The following AGBL4 variants were observed in gnomAD, a reference collection of about 807,000 sequenced individuals.
AGBL4 encodes the protein AGBL carboxypeptidase 4.
Under a neutral mutation model 66.4 loss-of-function variants are expected in AGBL4, and 58 were observed. The observed-to-expected ratio is 0.87, with a 90% CI of 0.71 to 1.09. The LOEUF (loss-of-function observed/expected upper bound fraction) is 1.09, where lower values mean the gene tolerates loss of function less well. Ranked by LOEUF, AGBL4 falls within the 50% of genes least tolerant of loss-of-function variation. The pLI, the probability that AGBL4 is intolerant of heterozygous loss-of-function variation, is 0.00. For missense variants in AGBL4, 579 were observed against 631.0 expected (o/e 0.92, Z 0.88); for synonymous variants, 234 against 222.9 (o/e 1.05, Z -0.44).
chr1:49,106,900 T>C (rs910602203), intron 4 of AGBL4, among the ~76,000 whole-genome samples: 1 of 152,200 alleles, frequency 6.6e-6, no homozygotes, highest in African/African-American at 2.4e-5. Context: ...TATCTTGTAA[T>C]GGTTAACACT....
chr1:48,734,658 T>C (rs1648730805), intron 6 of AGBL4, among the ~76,000 whole-genome samples: 1 of 152,160 alleles, frequency 6.6e-6, no homozygotes, highest in African/African-American at 2.4e-5. Context: ...TCTGCCTGAT[T>C]TGCCACCCCT....
chr1:49,536,633 A>G (rs1204504346), intron 3 of AGBL4, among the ~76,000 whole-genome samples: 1 of 152,222 alleles, frequency 6.6e-6, no homozygotes, highest in Non-Finnish European at 1.5e-5. Flanking sequence ...TGGAGGCATC[A>G]TATTATGTAA....
At chr1:49,561,757 A>G (rs1234735505) in intron 3 of AGBL4, among the ~76,000 whole-genome samples, 2 of 152,098 alleles carry the variant, frequency 1.3e-5, no homozygotes, top group Non-Finnish European at 2.9e-5. Flanking sequence ...GAATAGCGCC[A>G]CAATAAACAT....
intron 6 of AGBL4, among the ~76,000 whole-genome samples, chr1:48,799,579 CA>C (rs1234948851): frequency 6.6e-6 from 1 of 152,096 alleles, no homozygotes; most frequent in Non-Finnish European, 1.5e-5. Context: ...TTCTAGTTCT[CA>C]GGGGGAATGC....
chr1:48,836,515 A>G (rs1174356202), intron 6 of AGBL4, among the ~76,000 whole-genome samples: 2 of 152,082 alleles, frequency 1.3e-5, no homozygotes, highest in Non-Finnish European at 2.9e-5. Context: ...GACACCTTGA[A>G]TCAGGGCTAT....
chr1:48,871,156 A>T (rs1026600780), intron 5 of AGBL4, among the ~76,000 whole-genome samples: 2 of 152,168 alleles, frequency 1.3e-5, no homozygotes, highest in African/African-American at 4.8e-5. Flanking sequence ...GACATAAAGA[A>T]TTACCAAATT....
At chr1:49,239,803 A>G (rs1467866972) in intron 4 of AGBL4, among the ~76,000 whole-genome samples, 1 of 152,096 alleles carries the variant, frequency 6.6e-6, no homozygotes, top group Non-Finnish European at 1.5e-5. Flanking sequence ...CCTTACCCCT[A>G]TGGTGCTTAG....
chr1:49,311,498 TAA>T (rs1157844661), intron 3 of AGBL4, among the ~76,000 whole-genome samples: 1 of 151,944 alleles, frequency 6.6e-6, no homozygotes, highest in Non-Finnish European at 1.5e-5. Context: ...CAAAACATGA[TAA>T]AAATACTTTA....
intron 6 of AGBL4, among the ~76,000 whole-genome samples, chr1:48,715,582 G>A (rs1647036913): frequency 1.3e-5 from 2 of 152,160 alleles, no homozygotes; most frequent in Admixed American, 6.5e-5. Flanking sequence ...TTTGCTGAGT[G>A]AATAAACATT....
chr1:49,400,774 T>C (rs1289222425), intron 3 of AGBL4, among the ~76,000 whole-genome samples: 2 of 152,218 alleles, frequency 1.3e-5, no homozygotes, highest in Non-Finnish European at 2.9e-5. Flanking sequence ...GTGGAGTCTT[T>C]AGATTTTTTC....
rs138901616 is a variant in AGBL4 at position 49,554,375 on chromosome 1, AT to A, written c.282+142937del. ...GGAAGAGCCTTGAAAATGCAAACAC[AT>A]TTTTTTTTATACTGAGCACAGATAA... is the stretch of plus-strand genomic sequence containing the variant. On this transcript the variant is annotated intron_variant, in intron 3 of 13. Coordinates refer to ENST00000371839, the MANE Select transcript of AGBL4 (RefSeq NM_032785.4). 2.7e-3 allele frequency among the ~76,000 whole-genome samples: 413 copies of A among 151,434 alleles called. 5 individuals are homozygous for A. Among genetic ancestry groups the A allele is most frequent in the African/African-American group, 9.2e-3 (379 of 41,340 alleles).
intron 3 of AGBL4, among the ~76,000 whole-genome samples, chr1:49,301,766 C>T (rs960373176): frequency 6.6e-6 from 1 of 152,124 alleles, no homozygotes; most frequent in African/African-American, 2.4e-5. Context: ...TTCTGGCAGA[C>T]CAATTGACGC....
At chr1:49,837,170 C>A (rs1448845826) in intron 2 of AGBL4, among the ~76,000 whole-genome samples, 1 of 152,210 alleles carries the variant, frequency 6.6e-6, no homozygotes, top group Non-Finnish European at 1.5e-5. Context: ...CCCCTTCCCC[C>A]CAGGTGCTCT....
intron 6 of AGBL4, among the ~76,000 whole-genome samples, chr1:48,684,838 T>C (rs1646506920): frequency 6.6e-6 from 1 of 152,204 alleles, no homozygotes; most frequent in South Asian, 2.1e-4. Flanking sequence ...GAAATCTAAC[T>C]AGGGCAGAAT....
chr1:49,121,421 T>G (rs377490027), intron 4 of AGBL4, among the ~76,000 whole-genome samples: 9 of 152,242 alleles, frequency 5.9e-5, no homozygotes, highest in Non-Finnish European at 1.3e-4. Flanking sequence ...TTGATGTTGA[T>G]GCTATTCCTT....
At chr1:49,134,919 C>T (rs546805703) in intron 4 of AGBL4, among the ~76,000 whole-genome samples, 1 of 152,080 alleles carries the variant, frequency 6.6e-6, no homozygotes, top group South Asian at 2.1e-4. Context: ...TCAGCAGGTC[C>T]CTCCGTTTGG....
At chr1:49,830,123 T>C (rs1645623235) in intron 2 of AGBL4, among the ~76,000 whole-genome samples, 2 of 152,182 alleles carry the variant, frequency 1.3e-5, no homozygotes. Context: ...ATCCTTTGGG[T>C]ATATAACCAG....
chr1:49,437,363 A>G (rs1375075681), intron 3 of AGBL4, among the ~76,000 whole-genome samples: 1 of 152,140 alleles, frequency 6.6e-6, no homozygotes, highest in Non-Finnish European at 1.5e-5. Flanking sequence ...GTAAATGGGG[A>G]GCTGAGATGT....
chr1:49,492,201 T>G (rs1476207288), intron 3 of AGBL4, among the ~76,000 whole-genome samples: 2 of 151,870 alleles, frequency 1.3e-5, no homozygotes, highest in Non-Finnish European at 2.9e-5. Flanking sequence ...GAGGATCATC[T>G]GCTTTGGGTG....
Sources: gnomAD v4.1 joint callset for allele counts (sites outside exome capture counted in the v4.1 genomes callset) on GRCh38, gnomAD v4.1.1 for gene constraint, MANE v1.5 for transcripts, NCBI Gene and HGNC (gene_info 2026-07-23, HGNC 2026-07-21) for gene names.